USP48: variants seen among roughly 807,000 people sequenced by gnomAD.
USP48 encodes ubiquitin carboxyl-terminal hydrolase 48.
USP48 carries 43 observed loss-of-function variants against 150.7 expected under a neutral mutation model. That is an observed-to-expected ratio of 0.29 (90% CI 0.22 to 0.37). The LOEUF is 0.37. Ranked by LOEUF, USP48 falls within the 10% of genes least tolerant of loss-of-function variation. USP48 has a pLI of 1.00. For missense variants in USP48, 813 were observed against 1,249.6 expected, an observed-to-expected ratio of 0.65 and a Z score of 5.27; for synonymous variants, 396 against 425.9, an observed-to-expected ratio of 0.93 and a Z score of 0.86.
In USP48 at chr1:21,736,513, C is replaced by G. The variant is rs1222084113; in HGVS notation, c.1104G>C (p.Lys368Asn). The change falls in exon 9 of 27, where the codon AAG (lysine) becomes AAC (asparagine). Residue 368 changes from lysine (K) to asparagine (N), a missense_variant. By Grantham distance (94) the Lys-to-Asn change is moderately conservative (BLOSUM62 0). Coordinates refer to ENST00000308271, the MANE Select transcript of USP48 (RefSeq NM_032236.8). ...VKDPQSGEWY[K>N]FNDEDIEKME... ...TCTTTTCTATGTCTTCATCATTAAA[C>G]TTATACCATTCACCAGACTGTGGAT... 6.2e-7 allele frequency: 1 copy of G among 1,606,836 alleles called. No homozygotes were observed. The highest frequency in any genetic ancestry group is 8.5e-7 in the Non-Finnish European group (1 of 1,177,838).
intron 11 of USP48, among the ~76,000 whole-genome samples, chr1:21,726,237 G>A (rs1003823335): frequency 1.3e-5 from 2 of 152,100 alleles, no homozygotes; most frequent in Non-Finnish European, 2.9e-5. Flanking sequence ...GCCAGGGGAT[G>A]TCTGCAGGAA....
At chr1:21,703,388 G>A (rs1029782058) in intron 21 of USP48, 124 bp downstream of exon 21, 1 of 564,714 alleles carries the variant, frequency 1.8e-6, no homozygotes. Flanking sequence ...CAATTCTGAT[G>A]CCAAACAGCT....
intron 10 of USP48, among the ~76,000 whole-genome samples, chr1:21,729,261 G>GA (rs1214709035): frequency 6.9e-6 from 1 of 144,164 alleles, no homozygotes. Flanking sequence ...CAGCCTGGGC[G>GA]AAAGAATGAG....
intron 1 of USP48, among the ~76,000 whole-genome samples, chr1:21,765,628 G>T (rs951521425): frequency 1.3e-5 from 2 of 151,646 alleles, no homozygotes; most frequent in Non-Finnish European, 2.9e-5. Flanking sequence ...AAAAAAAAGG[G>T]GGGGACAGCC....
At chr1:21,709,585 TAAA>T (rs35471864) in intron 15 of USP48, among the ~76,000 whole-genome samples, 1 of 145,550 alleles carries the variant, frequency 6.9e-6, no homozygotes, top group African/African-American at 2.5e-5. Context: ...TTTTATGCTT[TAAA>T]AAAAAAAAAA....
At position 21,736,529 on chromosome 1, in the gene USP48, G is replaced by A. The variant is rs1262253235; in HGVS notation, c.1088C>T (p.Ser363Phe). 16 of 1,600,716 alleles carry A rather than the reference G, an allele frequency of 1.0e-5. No homozygotes were observed. The highest frequency in any genetic ancestry group is 1.4e-5 in the Non-Finnish European group (16 of 1,175,956). ...ATCATTAAACTTATACCATTCACCA[G>A]ACTGTGGATCTTTCACGTGGGCGAT... ...HYIAHVKDPQSGEWYKFNDED... is the reference protein window; with the variant it reads ...HYIAHVKDPQFGEWYKFNDED... The change falls in exon 9 of 27, where the codon TCT becomes TTT. Residue 363 changes from serine to phenylalanine, a missense_variant. Physicochemically the swap from Ser to Phe is radical, Grantham distance 155. Transcript: ENST00000308271.
intron 1 of USP48, among the ~76,000 whole-genome samples, chr1:21,758,205 C>CACAA (rs933415147): frequency 2.6e-5 from 4 of 151,576 alleles, no homozygotes; most frequent in Non-Finnish European, 5.9e-5. Context: ...CACACACACA[C>CACAA]ACACACACAC....
At chr1:21,706,269 C>T in intron 17 of USP48, 82 bp from the exon 18 acceptor site, 1 of 1,534,524 alleles carries the variant, frequency 6.5e-7, no homozygotes, top group Non-Finnish European at 8.9e-7. Context: ...CTTTGGTTGT[C>T]CTTATTCAAG....
intron 15 of USP48, among the ~76,000 whole-genome samples, chr1:21,712,017 C>T (rs979664973): frequency 6.6e-6 from 1 of 152,194 alleles, no homozygotes; most frequent in Non-Finnish European, 1.5e-5. Flanking sequence ...ACTTACTCAT[C>T]AGTAGAATGG....
At chr1:21,711,293 A>T (rs2097689475) in intron 15 of USP48, among the ~76,000 whole-genome samples, 1 of 152,198 alleles carries the variant, frequency 6.6e-6, no homozygotes, top group African/African-American at 2.4e-5. Context: ...CTCATGAAGT[A>T]AAGGTAGGGA....
chr1:21,711,844 T>C (rs939932349), intron 15 of USP48, among the ~76,000 whole-genome samples: 4 of 152,094 alleles, frequency 2.6e-5, no homozygotes, highest in African/African-American at 9.7e-5. Flanking sequence ...CAAGAAACAA[T>C]GGCTTTGGAC....
At chr1:21,707,550 G>A (rs773473303) in intron 15 of USP48, among the ~76,000 whole-genome samples, 18 of 152,052 alleles carry the variant, frequency 1.2e-4, no homozygotes, top group Non-Finnish European at 1.9e-4. Flanking sequence ...AATAATACTA[G>A]TCACCGCCAC....
chr1:21,683,742 ATTCT>A (rs150970355), intron 25 of USP48, among the ~76,000 whole-genome samples: 494 of 152,254 alleles, frequency 3.2e-3, no homozygotes, highest in African/African-American at 6.5e-3. Context: ...ACCAGAACTT[ATTCT>A]TTCTATCAAA....
At chr1:21,696,794 A>G (rs1313547110) in intron 22 of USP48, among the ~76,000 whole-genome samples, 1 of 150,770 alleles carries the variant, frequency 6.6e-6, no homozygotes, top group Middle Eastern at 3.4e-3. Flanking sequence ...TGTCCTCTAC[A>G]GTACTCCTAT....
intron 12 of USP48, among the ~76,000 whole-genome samples, chr1:21,723,492 TA>T (rs1319240536): frequency 6.9e-6 from 1 of 143,984 alleles, no homozygotes; most frequent in African/African-American, 2.6e-5. Flanking sequence ...CCAGCCTGGG[TA>T]ACAGAGTGAG....
chr1:21,757,096 T>C (rs1237248091), intron 2 of USP48: 3 of 755,008 alleles, frequency 4.0e-6, no homozygotes, highest in Admixed American at 6.3e-5. Context: ...AAACTTCCTT[T>C]ATATTCTAGA....
intron 15 of USP48, among the ~76,000 whole-genome samples, chr1:21,713,791 C>T (rs1571822071): frequency 1.3e-5 from 2 of 152,150 alleles, no homozygotes; most frequent in Admixed American, 6.5e-5. Flanking sequence ...TCAGCACTCA[C>T]GAGGTCAACT....
chr1:21,691,090 G>A (rs1042298959), intron 23 of USP48, among the ~76,000 whole-genome samples: 4 of 152,078 alleles, frequency 2.6e-5, no homozygotes, highest in Non-Finnish European at 5.9e-5. Flanking sequence ...CGAGGTGGAC[G>A]GATCACCTCA....
intron 1 of USP48, among the ~76,000 whole-genome samples, chr1:21,771,575 T>C (rs1004769385): frequency 1.3e-5 from 2 of 151,846 alleles, no homozygotes; most frequent in African/African-American, 4.8e-5. Flanking sequence ...ATAATTAGAA[T>C]TGTGGTATCA....
Sources: allele counts gnomAD v4.1 joint callset (sites outside exome capture counted in the v4.1 genomes callset), GRCh38; gene constraint gnomAD v4.1.1; transcripts MANE v1.5; gene names NCBI Gene and HGNC (gene_info 2026-07-23, HGNC 2026-07-21).